The following CLIC4 variants were observed in gnomAD, a reference collection of about 807,000 sequenced individuals.
CLIC4 encodes the protein CLIC family member 4, also known as chloride intracellular channel protein 4.
In CLIC4, 13 loss-of-function variants were observed where a neutral mutation model predicts 24.6. The observed-to-expected ratio is 0.53, with a 90% confidence interval of 0.34 to 0.84. The LOEUF (loss-of-function observed/expected upper bound fraction) is 0.84, where lower values mean the gene tolerates loss of function less well. Ranked by LOEUF, CLIC4 falls within the 40% of genes least tolerant of loss-of-function variation. CLIC4 has a pLI of 0.01. For missense variants in CLIC4, 227 were observed against 301.7 expected (o/e 0.75, Z 1.83); for synonymous variants, 104 against 111.3 (o/e 0.93, Z 0.41).
chr1:24,829,868 C>T (rs1224020988), intron 4 of CLIC4, among the ~76,000 whole-genome samples: 1 of 152,204 alleles, frequency 6.6e-6, no homozygotes. Context: ...AGTAAGCCTG[C>T]ATTGTATATT....
chr1:24,761,663 A>G (rs1016977439), intron 1 of CLIC4, among the ~76,000 whole-genome samples: 11 of 152,206 alleles, frequency 7.2e-5, no homozygotes, highest in African/African-American at 2.4e-4. Flanking sequence ...TTGCATCTTA[A>G]TATGAGTAGC....
Position 24,745,463 on chromosome 1 carries a change from C to T in CLIC4, c.-91C>T. The T allele has an allele frequency of 8.2e-7, 1 of 1,220,380 alleles. No individual in the cohort carries two copies. The highest frequency in any genetic ancestry group is 1.2e-6 in the Non-Finnish European group (1 of 867,816). The allele number at this position is 1,220,380 out of a possible 1,614,324, so 75.6% of individuals were successfully genotyped here. ...ACGCCGGACAGTCCAGCGAGCAGCACGGCGGGAACCGGCAGCCGGAGCAGT... is the reference window on the plus strand; with the variant it reads ...ACGCCGGACAGTCCAGCGAGCAGCATGGCGGGAACCGGCAGCCGGAGCAGT... On this transcript the variant is annotated 5_prime_UTR_variant, in exon 1 of 6. In the 5' UTR this introduces an upstream ATG that the reference lacks. Coordinates refer to ENST00000374379, the MANE Select transcript of CLIC4 (RefSeq NM_013943.3).
intron 1 of CLIC4, among the ~76,000 whole-genome samples, chr1:24,795,750 C>T (rs530181431): frequency 5.3e-5 from 8 of 152,106 alleles, no homozygotes; most frequent in African/African-American, 9.6e-5. Context: ...TTGTATTTTT[C>T]GTAGAGACGG....
intron 1 of CLIC4, among the ~76,000 whole-genome samples, chr1:24,770,102 C>G (rs1639052915): frequency 1.3e-5 from 2 of 152,052 alleles, no homozygotes; most frequent in Admixed American, 1.3e-4. Flanking sequence ...CTCAAGTTAT[C>G]CTCCCACTTT....
At chr1:24,758,521 G>A (rs924440820) in intron 1 of CLIC4, among the ~76,000 whole-genome samples, 13 of 151,452 alleles carry the variant, frequency 8.6e-5, no homozygotes, top group African/African-American at 3.2e-4. Context: ...GCACTGGTGC[G>A]ATCTCGGCTC....
chr1:24,748,506 T>TTTG (rs1638734846), intron 1 of CLIC4, among the ~76,000 whole-genome samples: 2 of 141,334 alleles, frequency 1.4e-5, no homozygotes, highest in African/African-American at 2.6e-5. Context: ...TTTGTTTTTT[T>TTTG]TTTTTTTTTT....
At chr1:24,781,896 C>T (rs1325832321) in intron 1 of CLIC4, among the ~76,000 whole-genome samples, 9 of 152,216 alleles carry the variant, frequency 5.9e-5, no homozygotes, top group African/African-American at 1.9e-4. Context: ...GTGTTCCGCC[C>T]GCCTTGGCCT....
chr1:24,763,719 C>G (rs997661521), intron 1 of CLIC4, among the ~76,000 whole-genome samples: 2 of 152,044 alleles, frequency 1.3e-5, no homozygotes, highest in African/African-American at 4.8e-5. Context: ...CTGAAGCAAC[C>G]TTTCCCATCT....
chr1:24,775,064 C>A (rs1639116952), intron 1 of CLIC4, among the ~76,000 whole-genome samples: 1 of 149,326 alleles, frequency 6.7e-6, no homozygotes. Context: ...GAGTGAGACT[C>A]CATCTGAAAA....
intron 1 of CLIC4, among the ~76,000 whole-genome samples, chr1:24,793,817 C>T (rs1215357291): frequency 6.6e-6 from 1 of 151,682 alleles, no homozygotes; most frequent in East Asian, 1.9e-4. Context: ...TTTTTAAACT[C>T]CCTTTACCTC....
chr1:24,774,952 T>TC (rs1443977404), intron 1 of CLIC4, among the ~76,000 whole-genome samples: 1 of 151,888 alleles, frequency 6.6e-6, no homozygotes, highest in Non-Finnish European at 1.5e-5. Flanking sequence ...ATGCCTGTAA[T>TC]CCCAGCTACT....
At chr1:24,824,524 T>A (rs1639767981) in intron 3 of CLIC4, among the ~76,000 whole-genome samples, 1 of 152,164 alleles carries the variant, frequency 6.6e-6, no homozygotes, top group Admixed American at 6.5e-5. Flanking sequence ...CACCTTGGCA[T>A]CCCAAAGTGC....
intron 1 of CLIC4, among the ~76,000 whole-genome samples, chr1:24,767,997 C>T (rs1349943256): frequency 6.6e-6 from 1 of 151,912 alleles, no homozygotes; most frequent in Non-Finnish European, 1.5e-5. Flanking sequence ...CTTGCCACCA[C>T]GCTTGGCTAA....
chr1:24,778,468 T>C (rs563365871), intron 1 of CLIC4, among the ~76,000 whole-genome samples: 2 of 152,314 alleles, frequency 1.3e-5, no homozygotes, highest in South Asian at 4.1e-4. Flanking sequence ...AGTTGATACT[T>C]ATAGGGAATA....
At chr1:24,749,779 G>A (rs949206287) in intron 1 of CLIC4, among the ~76,000 whole-genome samples, 4 of 151,172 alleles carry the variant, frequency 2.6e-5, no homozygotes, top group African/African-American at 7.3e-5. Context: ...GCAACATGGC[G>A]AGACCCTGTC....
intron 1 of CLIC4, among the ~76,000 whole-genome samples, chr1:24,777,431 C>T (rs1639154529): frequency 6.6e-6 from 1 of 152,044 alleles, no homozygotes; most frequent in African/African-American, 2.4e-5. Context: ...GTAATCCCAG[C>T]TACTCGGGAG....
chr1:24,760,195 T>C (rs1423208798), intron 1 of CLIC4, among the ~76,000 whole-genome samples: 1 of 151,908 alleles, frequency 6.6e-6, no homozygotes, highest in Non-Finnish European at 1.5e-5. Context: ...GGAAACCCCG[T>C]CTCTACTAAG....
chr1:24,785,082 CT>C (rs71577732), intron 1 of CLIC4, among the ~76,000 whole-genome samples: 1,916 of 137,370 alleles, frequency 0.014, 15 homozygotes, highest in African/African-American at 0.019. Context: ...TTATGTAGAC[CT>C]TTTTTTTTTT....
At chr1:24,745,817 G>T (rs1447087770) in intron 1 of CLIC4, among the ~76,000 whole-genome samples, 192 bp downstream of exon 1, 3 of 151,714 alleles carry the variant, frequency 2.0e-5, no homozygotes, top group East Asian at 3.9e-4. Flanking sequence ...CCGTCGAGGG[G>T]TCCGGGTTGG....
Sources: allele counts gnomAD v4.1 joint callset (sites outside exome capture counted in the v4.1 genomes callset), GRCh38; gene constraint gnomAD v4.1.1; transcripts MANE v1.5; gene names NCBI Gene and HGNC (gene_info 2026-07-23, HGNC 2026-07-21).